Variants in NPM2 observed in about 807,000 individuals in gnomAD.
NPM2 encodes nucleoplasmin-2.
A neutral mutation model predicts 32.0 loss-of-function variants in NPM2; 25 were observed. The observed-to-expected ratio is 0.78, with a 90% confidence interval of 0.57 to 1.09. The LOEUF (loss-of-function observed/expected upper bound fraction) is 1.09, where lower values mean the gene tolerates loss of function less well. Ranked by LOEUF, NPM2 falls within the 50% of genes least tolerant of loss-of-function variation. The pLI is 0.00. For synonymous variants in NPM2, 111 were observed against 94.2 expected (o/e 1.18, Z -1.04); for missense variants, 282 against 259.9 (o/e 1.08, Z -0.58).
intron 6 of NPM2, 52 bp from the exon 7 acceptor site, chr8:22,034,057 G>T: frequency 6.5e-7 from 1 of 1,538,246 alleles, no homozygotes; most frequent in South Asian, 1.3e-5. Flanking sequence ...GGTGGGCATT[G>T]ATTCTGTAGC....
rs1800227270 is a variant in NPM2 at position 22,025,757 on chromosome 8, C to G, written c.255C>G (p.Ala85=). 6.2e-7 allele frequency: 1 copy of G among 1,614,112 alleles called. No homozygotes were observed. Among genetic ancestry groups the G allele is most frequent in the Non-Finnish European group, 8.5e-7 (1 of 1,180,002 alleles). Residue 85 remains alanine, a synonymous_variant, in exon 5 of 10, where the codon GCC becomes GCG. Coordinates refer to ENST00000518119, the MANE Select transcript of NPM2 (RefSeq NM_001286680.2). Reference sequence around the variant, plus strand: ...CGGTCACCATTGCCTCACTCCAGGCCTCAGTCCTCCCCATGGTGCGCATTT... The same window carrying G: ...CGGTCACCATTGCCTCACTCCAGGCGTCAGTCCTCCCCATGGTGCGCATTT... ...MQPVTIASLQ[A]SVLPMVSMVG... is the part of the protein sequence containing the mutation.
intron 5 of NPM2, among the ~76,000 whole-genome samples, chr8:22,027,923 C>T (rs1186228014): frequency 1.3e-5 from 2 of 151,992 alleles, no homozygotes; most frequent in South Asian, 2.1e-4. Context: ...TCTTTTTTCC[C>T]ACACCCATAT....
intron 5 of NPM2, among the ~76,000 whole-genome samples, chr8:22,026,167 G>C (rs868141362): frequency 6.6e-6 from 1 of 152,212 alleles, no homozygotes; most frequent in Middle Eastern, 3.4e-3. Context: ...CTGTGCGTGC[G>C]AGGGGTCTAG....
In NPM2 at chr8:22,034,022, G is replaced by T. The variant is rs1431998318; in HGVS notation, c.365-87G>T. The T allele has an allele frequency of 2.0e-6, 3 of 1,522,452 alleles. No individual in the cohort carries two copies. The Admixed American group carries it at 6.2e-5, about 31-fold the overall frequency. 94.3% of individuals were successfully genotyped at this position (1,522,452 alleles called of 1,614,324 possible). The stretch of plus-strand genomic sequence containing the variant: ...TAGGATTCCTCCAGGGCAGTGCTTG[G>T]AGCAACACGGATCACAGAATGGGAG... On this transcript the variant is annotated intron_variant, in intron 6 of 9. Coordinates refer to ENST00000518119, the MANE Select transcript of NPM2 (RefSeq NM_001286680.2).
chr8:22,034,748 A>AT (rs1800564149), intron 8 of NPM2, among the ~76,000 whole-genome samples: 2 of 152,162 alleles, frequency 1.3e-5, no homozygotes, highest in Non-Finnish European at 2.9e-5. Context: ...TTGGGATCTA[A>AT]TTCCAGTGAA....
At chr8:22,032,538 C>T (rs1469365241) in intron 5 of NPM2, among the ~76,000 whole-genome samples, 1 of 152,164 alleles carries the variant, frequency 6.6e-6, no homozygotes, top group Non-Finnish European at 1.5e-5. Flanking sequence ...GTTGCTATAA[C>T]AAAATACCAC....
chr8:22,034,568 T>C, intron 8 of NPM2, 24 bp downstream of exon 8: 1 of 1,587,218 alleles, frequency 6.3e-7, no homozygotes, highest in Admixed American at 1.7e-5. Context: ...CCTATTAAAT[T>C]AGCCAAAGTC....
chr8:22,035,045 G>GGCT (rs1405072051), intron 8 of NPM2, among the ~76,000 whole-genome samples: 1 of 152,222 alleles, frequency 6.6e-6, no homozygotes, highest in Admixed American at 6.5e-5. Flanking sequence ...AAAAGTTGCA[G>GGCT]TGAGCCGAGA....
rs767833805 is a variant in NPM2, at chr8:22,025,297, G to C, written c.49G>C (p.Val17Leu). The change falls in exon 3 of 10, where the codon GTG becomes CTG. Residue 17 changes from valine (V) to leucine (L), a missense_variant. Physicochemically the swap from Val to Leu is conservative, Grantham distance 32. Transcript: ENST00000518119. ...SSTEEKAVTT[V>L]LWGCELSQER... ...CACGGAGGAAAAGGCAGTGACGACC[G>C]TGCTCTGGGGTGAGTGGGGACTCAG... is the stretch of plus-strand genomic sequence containing the variant. 6.2e-7 allele frequency: 1 copy of C among 1,608,310 alleles called. No individual in the cohort carries two copies. The highest frequency in any genetic ancestry group is 1.1e-5 in the South Asian group (1 of 90,256).
intron 8 of NPM2, among the ~76,000 whole-genome samples, chr8:22,036,182 G>A (rs558056160): frequency 5.3e-5 from 8 of 151,342 alleles, no homozygotes; most frequent in East Asian, 3.9e-4. Context: ...CCAGGAGGTC[G>A]AGGCTGCAGT....
chr8:22,034,407 A>T (rs766733807), intron 7 of NPM2, 103 bp from the exon 8 acceptor site: 1 of 1,352,888 alleles, frequency 7.4e-7, no homozygotes, highest in Non-Finnish European at 1.0e-6. Context: ...CACCTCAGCT[A>T]GTTCTGGCCA....
chr8:22,030,314 C>T (rs1385645468), intron 5 of NPM2, among the ~76,000 whole-genome samples: 1 of 152,160 alleles, frequency 6.6e-6, no homozygotes, highest in Non-Finnish European at 1.5e-5. Context: ...TCATGGCTCA[C>T]TGCAGCCTCA....
At chr8:22,028,769 C>A (rs568957147) in intron 5 of NPM2, among the ~76,000 whole-genome samples, 47 of 152,268 alleles carry the variant, frequency 3.1e-4, no homozygotes, top group Admixed American at 3.1e-3. Flanking sequence ...GCCTCAGCAA[C>A]CTCTCTGTTT....
chr8:22,032,756 G>C (rs1406035128), intron 5 of NPM2, among the ~76,000 whole-genome samples: 1 of 152,058 alleles, frequency 6.6e-6, no homozygotes, highest in Admixed American at 6.6e-5. Flanking sequence ...AAAGGTACTA[G>C]TTCTATCATG....
In NPM2 at chr8:22,033,194, C is replaced by T; in HGVS notation, c.335C>T (p.Pro112Leu). The T allele has an allele frequency of 6.2e-7, 1 of 1,614,082 alleles. No individual in the cohort carries two copies. Among genetic ancestry groups the T allele is most frequent in the East Asian group, 2.2e-5 (1 of 44,866 alleles). ...VTFQLRAGSG[P>L]VFLSGQERYE... ...TTCCAGCTCCGGGCTGGCTCAGGACCCGTGTTCCTCAGTGGCCAGGAACGT... is the reference window on the plus strand; with the variant it reads ...TTCCAGCTCCGGGCTGGCTCAGGACTCGTGTTCCTCAGTGGCCAGGAACGT... The change falls in exon 6 of 10, where the codon CCC (proline) becomes CTC (leucine). Residue 112 changes from proline (P) to leucine (L), a missense_variant. By Grantham distance (98) the Pro-to-Leu change is moderately conservative. Transcript: ENST00000518119.
Position 22,025,240 on chromosome 8 carries a change from C to T in NPM2, c.-9C>T. The T allele has an allele frequency of 6.2e-7, 1 of 1,611,160 alleles. No individual in the cohort carries two copies. The highest frequency in any genetic ancestry group is 8.5e-7 in the Non-Finnish European group (1 of 1,179,186). On this transcript the variant is annotated 5_prime_UTR_variant, in exon 3 of 10. Coordinates refer to ENST00000518119, the MANE Select transcript of NPM2 (RefSeq NM_001286680.2). ...GCTGCCCGGCCAGCCCGCTTCTCTG[C>T]CCGGAGCCATGAATCTCAGTAGCGC...
At chr8:22,030,349 C>A (rs1021058417) in intron 5 of NPM2, among the ~76,000 whole-genome samples, 1 of 152,100 alleles carries the variant, frequency 6.6e-6, no homozygotes, top group East Asian at 1.9e-4. Context: ...AGTGATCCTC[C>A]CACTCAGCCT....
At chr8:22,031,962 T>G (rs1800456813) in intron 5 of NPM2, among the ~76,000 whole-genome samples, 2 of 152,244 alleles carry the variant, frequency 1.3e-5, no homozygotes, top group African/African-American at 4.8e-5. Context: ...AATTACATCC[T>G]CTCTGGCATT....
intron 5 of NPM2, 26 bp from the exon 6 acceptor site, chr8:22,033,104 G>A (rs759609572): frequency 1.3e-6 from 2 of 1,588,534 alleles, no homozygotes; most frequent in East Asian, 2.2e-5. Flanking sequence ...AAGTGGCCCT[G>A]TCTTCTCTGC....
Sources: allele counts gnomAD v4.1 joint callset (sites outside exome capture counted in the v4.1 genomes callset), GRCh38; gene constraint gnomAD v4.1.1; transcripts MANE v1.5; gene names NCBI Gene and HGNC (gene_info 2026-07-23, HGNC 2026-07-21).